Variants in LRMDA observed in about 807,000 individuals in gnomAD.
The protein encoded by LRMDA is leucine rich melanocyte differentiation associated, also known as leucine-rich melanocyte differentiation-associated protein.
LRMDA carries 18 observed loss-of-function variants against 29.8 expected under a neutral mutation model. The observed-to-expected ratio is 0.60, with a 90% CI of 0.42 to 0.90. LRMDA has a LOEUF of 0.90. Ranked by LOEUF, LRMDA falls within the 40% of genes least tolerant of loss-of-function variation. The pLI is 0.00. For synonymous variants in LRMDA, 125 were observed against 109.4 expected (o/e 1.14, Z -0.89); for missense variants, 273 against 273.9 (o/e 1.00, Z 0.02).
At chr10:75,823,998 G>A (rs1844209442) in intron 2 of LRMDA, among the ~76,000 whole-genome samples, 1 of 152,046 alleles carries the variant, frequency 6.6e-6, no homozygotes, top group Non-Finnish European at 1.5e-5. Flanking sequence ...TATGGTAGGA[G>A]GATTTCGGGA....
chr10:76,035,598 AACTTG>A (rs536221053), intron 2 of LRMDA, among the ~76,000 whole-genome samples: 61 of 152,362 alleles, frequency 4.0e-4, no homozygotes, highest in African/African-American at 1.3e-3. Context: ...GATGGATGAC[AACTTG>A]AATTTGTGTC....
intron 5 of LRMDA, among the ~76,000 whole-genome samples, chr10:76,096,989 C>T (rs1020680048): frequency 6.8e-6 from 1 of 146,310 alleles, no homozygotes; most frequent in Non-Finnish European, 1.5e-5. Flanking sequence ...AATCATGTTA[C>T]TTTTATTTTT....
intron 5 of LRMDA, among the ~76,000 whole-genome samples, chr10:76,091,439 A>T (rs1453981699): frequency 6.6e-6 from 1 of 152,134 alleles, no homozygotes; most frequent in Non-Finnish European, 1.5e-5. Flanking sequence ...CCATCTCTGC[A>T]CTTTGTCCAG....
At chr10:76,516,332 T>A (rs1357150116) in intron 6 of LRMDA, among the ~76,000 whole-genome samples, 4 of 141,946 alleles carry the variant, frequency 2.8e-5, no homozygotes, top group East Asian at 2.1e-4. Context: ...AAGCAATAAG[T>A]TTTTTTTAAA....
chr10:75,512,808 A>G (rs556735189), intron 2 of LRMDA, among the ~76,000 whole-genome samples: 11 of 152,340 alleles, frequency 7.2e-5, no homozygotes, highest in African/African-American at 1.9e-4. Context: ...TATGTCAAGC[A>G]TAGCTCATTT....
chr10:76,234,064 T>C (rs1852107311), intron 5 of LRMDA, among the ~76,000 whole-genome samples: 1 of 152,202 alleles, frequency 6.6e-6, no homozygotes, highest in South Asian at 2.1e-4. Flanking sequence ...AATCACTATC[T>C]ATGGCAGCGA....
chr10:75,433,427 T>C (rs1252028533), intron 1 of LRMDA, among the ~76,000 whole-genome samples: 1 of 152,144 alleles, frequency 6.6e-6, no homozygotes, highest in Non-Finnish European at 1.5e-5. Context: ...TTAGACCGAG[T>C]TGCCTGGGGA....
intron 2 of LRMDA, among the ~76,000 whole-genome samples, chr10:75,482,868 G>A (rs538226743): frequency 2.0e-5 from 3 of 152,238 alleles, no homozygotes; most frequent in Admixed American, 6.5e-5. Flanking sequence ...GAATCATGGG[G>A]AAAACATATT....
chr10:75,546,254 G>T (rs530180821), intron 2 of LRMDA, among the ~76,000 whole-genome samples: 1 of 152,300 alleles, frequency 6.6e-6, no homozygotes, highest in East Asian at 1.9e-4. Flanking sequence ...CCATTTGCAA[G>T]ATGGTGGGTG....
intron 5 of LRMDA, among the ~76,000 whole-genome samples, chr10:76,152,498 A>G (rs1286757890): frequency 1.3e-5 from 2 of 152,110 alleles, no homozygotes; most frequent in Admixed American, 1.3e-4. Flanking sequence ...TATTTTTTGT[A>G]TACGTTTTTG....
chr10:75,517,083 T>C (rs1845298837), intron 2 of LRMDA, among the ~76,000 whole-genome samples: 1 of 152,164 alleles, frequency 6.6e-6, no homozygotes, highest in Non-Finnish European at 1.5e-5. Context: ...ACCAGTACCA[T>C]GCTGTTTTGG....
At chr10:75,762,892 A>C (rs1018935682) in intron 2 of LRMDA, among the ~76,000 whole-genome samples, 2 of 151,998 alleles carry the variant, frequency 1.3e-5, no homozygotes, top group African/African-American at 2.4e-5. Context: ...TTTCTACCAC[A>C]CTCTGCCAGT....
chr10:75,646,755 T>TGATAAACA (rs562075752), intron 2 of LRMDA, among the ~76,000 whole-genome samples: 27 of 152,314 alleles, frequency 1.8e-4, no homozygotes, highest in Admixed American at 1.4e-3. Flanking sequence ...ATGATTGTTA[T>TGATAAACA]GATAAACAGA....
At chr10:75,523,569 T>C (rs184679767) in intron 2 of LRMDA, among the ~76,000 whole-genome samples, 1 of 152,316 alleles carries the variant, frequency 6.6e-6, no homozygotes, top group Admixed American at 6.5e-5. Flanking sequence ...CTCCAGTCTC[T>C]ACCTGTGGTG....
At chr10:75,677,095 A>G (rs1419847432) in intron 2 of LRMDA, among the ~76,000 whole-genome samples, 1 of 152,242 alleles carries the variant, frequency 6.6e-6, no homozygotes, top group African/African-American at 2.4e-5. Context: ...CATTGCAGAA[A>G]AGAAGTTGGT....
chr10:76,407,718 A>G (rs1841917096), intron 6 of LRMDA, among the ~76,000 whole-genome samples: 1 of 152,164 alleles, frequency 6.6e-6, no homozygotes, highest in Non-Finnish European at 1.5e-5. Context: ...CTTAAATCCT[A>G]GGTTATTTCT....
intron 5 of LRMDA, among the ~76,000 whole-genome samples, chr10:76,285,710 C>G (rs1840263304): frequency 6.6e-6 from 1 of 152,090 alleles, no homozygotes; most frequent in Non-Finnish European, 1.5e-5. Flanking sequence ...GGGATGGAGA[C>G]AGGCCAGTAT....
intron 2 of LRMDA, among the ~76,000 whole-genome samples, chr10:75,559,031 C>G (rs1840255210): frequency 6.6e-6 from 1 of 150,480 alleles, no homozygotes; most frequent in South Asian, 2.1e-4. Context: ...ATTTATAGTC[C>G]TTTGGGTATA....
At chr10:75,637,966 A>G (rs898157536) in intron 2 of LRMDA, among the ~76,000 whole-genome samples, 2 of 152,270 alleles carry the variant, frequency 1.3e-5, no homozygotes, top group African/African-American at 4.8e-5. Flanking sequence ...ACAAACAGCC[A>G]GAGACCCTCA....
Sources: gnomAD v4.1 joint callset for allele counts (sites outside exome capture counted in the v4.1 genomes callset) on GRCh38, gnomAD v4.1.1 for gene constraint, MANE v1.5 for transcripts, NCBI Gene and HGNC (gene_info 2026-07-23, HGNC 2026-07-21) for gene names.